Variants in CSGALNACT1 observed in about 807,000 individuals in gnomAD.
CSGALNACT1 encodes beta4GalNAcT-1.
Under a neutral mutation model 51.0 loss-of-function variants are expected in CSGALNACT1, and 52 were observed. The observed-to-expected ratio is 1.02, with a 90% confidence interval of 0.82 to 1.29. CSGALNACT1 has a LOEUF of 1.29. Among genes scored for constraint, CSGALNACT1 ranks in the 50% most tolerant of loss-of-function variants. The probability of loss-of-function intolerance (pLI) is 0.00; values close to 1 mark genes in which losing one functional copy is unlikely to be tolerated. For missense variants in CSGALNACT1, 935 were observed against 679.2 expected (o/e 1.38, Z -4.19); for synonymous variants, 341 against 254.4 (o/e 1.34, Z -3.24).
At chr8:19,575,917 T>C (rs1372821365) in intron 3 of CSGALNACT1, among the ~76,000 whole-genome samples, 1 of 152,006 alleles carries the variant, frequency 6.6e-6, no homozygotes, top group Non-Finnish European at 1.5e-5. Flanking sequence ...GATATTTTAA[T>C]AATAAAAAGA....
chr8:19,539,924 G>T (rs976880168), intron 3 of CSGALNACT1, among the ~76,000 whole-genome samples: 1 of 152,178 alleles, frequency 6.6e-6, no homozygotes, highest in Non-Finnish European at 1.5e-5. Context: ...AGTTCTGCCT[G>T]AGAGGAGTTG....
At chr8:19,530,311 TACACACACACAC>T (rs72389712) in intron 3 of CSGALNACT1, among the ~76,000 whole-genome samples, 5 of 59,790 alleles carry the variant, frequency 8.4e-5, no homozygotes, top group South Asian at 1.1e-3. Context: ...TGTGTACACA[TACACACACACAC>T]ACACACACAC....
intron 7 of CSGALNACT1, among the ~76,000 whole-genome samples, chr8:19,419,121 C>T (rs2057446495): frequency 6.6e-6 from 1 of 152,158 alleles, no homozygotes; most frequent in Non-Finnish European, 1.5e-5. Flanking sequence ...GCTGGGATTA[C>T]AGGCATGAGC....
At chr8:19,493,193 C>G (rs1019511912) in intron 4 of CSGALNACT1, among the ~76,000 whole-genome samples, 1 of 152,162 alleles carries the variant, frequency 6.6e-6, no homozygotes, top group African/African-American at 2.4e-5. Context: ...TTCAGCCTCC[C>G]CCAACCTTCT....
At chr8:19,472,625 G>C (rs1386437560) in intron 4 of CSGALNACT1, among the ~76,000 whole-genome samples, 1 of 152,232 alleles carries the variant, frequency 6.6e-6, no homozygotes, top group African/African-American at 2.4e-5. Context: ...CAATGTCAAA[G>C]TACAGCTCTT....
chr8:19,651,623 C>T (rs1447401437), intron 1 of CSGALNACT1, among the ~76,000 whole-genome samples: 1 of 138,628 alleles, frequency 7.2e-6, no homozygotes, highest in East Asian at 2.1e-4. Context: ...CACTGTATTC[C>T]ATGGTATGTA....
At chr8:19,408,565 A>ATGG (rs757181694) in intron 9 of CSGALNACT1, 48 bp downstream of exon 8, 1 of 1,507,436 alleles carries the variant, frequency 6.6e-7, no homozygotes, top group Non-Finnish European at 9.2e-7. Context: ...CAAGGCCTAC[A>ATGG]TGGGCCCGTG....
chr8:19,563,263 A>T (rs182854260), intron 3 of CSGALNACT1, among the ~76,000 whole-genome samples: 1 of 152,210 alleles, frequency 6.6e-6, no homozygotes, highest in East Asian at 1.9e-4. Flanking sequence ...AACGACACAC[A>T]ATCGGGTCTG....
At position 19,494,831 on chromosome 8, in the gene CSGALNACT1, T is replaced by G. The variant is rs1239623549; in HGVS notation, c.634+10370A>C. ...GAAACCAGATGGAACACTCCAACGT[T>G]AGAAAGTCCATTTCTTCCCTCCACC... On this transcript the variant is annotated intron_variant, in intron 4 of 9. Coordinates refer to ENST00000454498, the Ensembl canonical transcript of CSGALNACT1. 2.2e-5 allele frequency among the ~76,000 whole-genome samples: 3 copies of G among 135,986 alleles called. 1 individual carries two copies. The highest frequency in any genetic ancestry group is 8.5e-5 in the African/African-American group (3 of 35,414). 89.2% of individuals were successfully genotyped at this position (135,986 alleles called of 152,430 possible). A position where few individuals can be genotyped will look rare whatever the true frequency, so the allele number is the denominator to read the frequency against.
intron 1 of CSGALNACT1, among the ~76,000 whole-genome samples, chr8:19,636,385 A>G (rs372801011): frequency 9.4e-4 from 143 of 152,210 alleles, no homozygotes; most frequent in African/African-American, 3.1e-3. Flanking sequence ...CAGGCATCCA[A>G]TGAGAATCTG....
At chr8:19,501,291 T>C (rs1399911686) in intron 4 of CSGALNACT1, among the ~76,000 whole-genome samples, 1 of 146,050 alleles carries the variant, frequency 6.8e-6, no homozygotes, top group Non-Finnish European at 1.5e-5. Flanking sequence ...AGCTAGCAAA[T>C]GCTACACAGA....
intron 3 of CSGALNACT1, among the ~76,000 whole-genome samples, chr8:19,539,211 A>G (rs76128865): frequency 0.027 from 4,079 of 152,300 alleles, 175 homozygotes; most frequent in African/African-American, 0.093. Context: ...AATCCCTAAC[A>G]TCTACACCCT....
exon 4 of CSGALNACT1, chr8:19,505,520 G>T: frequency 6.2e-7 from 1 of 1,613,982 alleles, no homozygotes; most frequent in Non-Finnish European, 8.5e-7. Flanking sequence ...CCAGACCCAG[G>T]CCAGCAGCAT....
rs367606514 is a variant in CSGALNACT1, at chr8:19,438,220, C to CT, written c.953+1609dup. On this transcript the variant is annotated intron_variant, in intron 6 of 9. Coordinates refer to ENST00000454498, the Ensembl canonical transcript of CSGALNACT1. ...GTCGGGGGGCAGCCAGCTGGCTGCA[C>CT]TTAAGGGAGCAGCCCCCAGGTGGAC... Among the ~76,000 whole-genome samples the CT allele has an allele frequency of 4.5e-3, 689 of 152,130 alleles. 6 individuals carry two copies. Among genetic ancestry groups the CT allele is most frequent in the African/African-American group, 0.016 (653 of 41,522 alleles).
chr8:19,425,964 C>A (rs1015413896), intron 6 of CSGALNACT1, among the ~76,000 whole-genome samples: 1 of 152,200 alleles, frequency 6.6e-6, no homozygotes, highest in Non-Finnish European at 1.5e-5. Context: ...TTTGACCCAG[C>A]CCTGCCTCTG....
At chr8:19,549,948 T>C (rs1275762781) in intron 3 of CSGALNACT1, among the ~76,000 whole-genome samples, 1 of 152,136 alleles carries the variant, frequency 6.6e-6, no homozygotes, top group African/African-American at 2.4e-5. Context: ...TTTTCTCTGT[T>C]AAACATTTTT....
chr8:19,416,224 C>T (rs941670671), intron 8 of CSGALNACT1, among the ~76,000 whole-genome samples: 1 of 149,300 alleles, frequency 6.7e-6, no homozygotes, highest in East Asian at 2.0e-4. Flanking sequence ...AAGTGATTCT[C>T]CTGCCTCAGC....
intron 1 of CSGALNACT1, among the ~76,000 whole-genome samples, chr8:19,709,358 G>C (rs1173018575): frequency 6.6e-6 from 1 of 152,282 alleles, no homozygotes; most frequent in South Asian, 2.1e-4. Flanking sequence ...TGCCTTCAAG[G>C]GGCTTATATT....
At chr8:19,656,147 C>G (rs1192369859) in intron 1 of CSGALNACT1, among the ~76,000 whole-genome samples, 5 of 152,170 alleles carry the variant, frequency 3.3e-5, no homozygotes, top group Non-Finnish European at 5.9e-5. Flanking sequence ...AAGTTTCTGA[C>G]CAATAGCAAC....
Sources: gnomAD v4.1 joint callset for allele counts (sites outside exome capture counted in the v4.1 genomes callset) on GRCh38, gnomAD v4.1.1 for gene constraint, MANE v1.5 for transcripts, NCBI Gene and HGNC (gene_info 2026-07-23, HGNC 2026-07-21) for gene names.